CCDC14: variants seen among roughly 807,000 people sequenced by gnomAD.
The protein encoded by CCDC14 is coiled-coil domain-containing protein 14.
CCDC14 carries 71 observed loss-of-function variants against 81.4 expected under a neutral mutation model. That is an observed-to-expected ratio of 0.87 (90% CI 0.72 to 1.06). The LOEUF is 1.06. CCDC14 is among the 50% of genes least tolerant of loss of function. The probability of loss-of-function intolerance (pLI) is 0.00; values close to 1 mark genes in which losing one functional copy is unlikely to be tolerated. For synonymous variants in CCDC14, 332 were observed against 364.8 expected, an observed-to-expected ratio of 0.91 and a Z score of 1.03; for missense variants, 1,046 against 1,047.3, an observed-to-expected ratio of 1.00 and a Z score of 0.02.
rs2035787985 is a variant in CCDC14, at chr3:123,932,401, C to G, written c.1427-875G>C. On this transcript the variant is annotated intron_variant, in intron 10 of 12. Coordinates refer to ENST00000409697, the MANE Select transcript of CCDC14 (RefSeq NM_001366335.1). ...TGAATCACTCTGGTGAAACTGAACA[C>G]TTTTATAAAGTGCTCATTCTGTTGG... Among the ~76,000 whole-genome samples the G allele has an allele frequency of 2.6e-5, 4 of 152,116 alleles. No homozygotes were observed. In the South Asian group the frequency reaches 8.3e-4, roughly 32 times the overall value.
At chr3:123,942,186 T>C (rs1029171720) in intron 9 of CCDC14, among the ~76,000 whole-genome samples, 15 of 152,012 alleles carry the variant, frequency 9.9e-5, no homozygotes, top group Non-Finnish European at 1.5e-4. Flanking sequence ...TATATAACCT[T>C]GGGCAAGTTA....
Position 123,915,649 on chromosome 3 carries a change from C to A in CCDC14, c.1848G>T (p.Gly616=). The change falls in exon 13 of 13, where the codon GGG becomes GGT. Residue 616 remains glycine (G), a synonymous_variant. Coordinates refer to ENST00000409697, the MANE Select transcript of CCDC14 (RefSeq NM_001366335.1). ...TCAAGAGTGATTTGGTAAGGTTATT[C>A]CCAGGCTTGCAGCGAGCACTGTCCA... ...LSVDSARCKP[G]NNLTKSLLNI... 1.2e-6 allele frequency: 2 copies of A among 1,613,952 alleles called. No homozygotes were observed. The highest frequency in any genetic ancestry group is 1.3e-5 in the African/African-American group (1 of 75,044).
chr3:123,914,395 T>C lies in CCDC14; in HGVS notation c.*384A>G, dbSNP rs2034542514. 2.0e-6 allele frequency: 2 copies of C among 985,854 alleles called. No homozygotes were observed. The highest frequency in any genetic ancestry group is 6.1e-5 in the Admixed American group (1 of 16,308). The allele number at this position is 985,854 out of a possible 1,614,324, so 61.1% of individuals were successfully genotyped here. ...ATGTAAACAGAAAAAAAAAACCCTC[T>C]AGTTTCAACAGAAAAACTTACATCC... On this transcript the variant is annotated 3_prime_UTR_variant, in exon 13 of 13. Coordinates refer to ENST00000409697, the MANE Select transcript of CCDC14 (RefSeq NM_001366335.1).
At chr3:123,935,565 C>T (rs1263712440) in intron 9 of CCDC14, among the ~76,000 whole-genome samples, 2 of 152,098 alleles carry the variant, frequency 1.3e-5, no homozygotes, top group African/African-American at 4.8e-5. Context: ...AATACTAATA[C>T]ACAGATAATA....
At chr3:123,945,246 AT>A (rs1011846838) in intron 8 of CCDC14, among the ~76,000 whole-genome samples, 253 of 148,040 alleles carry the variant, frequency 1.7e-3, no homozygotes, top group Middle Eastern at 6.9e-3. Context: ...TACATAAGTG[AT>A]TTTTTTTTTT....
At chr3:123,928,839 C>T (rs2035537786) in intron 12 of CCDC14, among the ~76,000 whole-genome samples, 1 of 152,138 alleles carries the variant, frequency 6.6e-6, no homozygotes, top group Admixed American at 6.5e-5. Flanking sequence ...GAGTTCTAGT[C>T]CCAGCTCTGT....
intron 7 of CCDC14, 70 bp from the exon 8 acceptor site, chr3:123,947,389 C>A: frequency 9.8e-7 from 1 of 1,022,058 alleles, no homozygotes; most frequent in Non-Finnish European, 1.4e-6. Context: ...ACAACAAACT[C>A]AAATATATGA....
At chr3:123,909,634 TA>T (rs929554876), downstream of CCDC14, among the ~76,000 whole-genome samples, 2 of 152,206 alleles carry the variant, frequency 1.3e-5, no homozygotes, top group Admixed American at 6.5e-5. Flanking sequence ...TACATACACA[TA>T]GACCAACTAC....
At chr3:123,956,144 A>G (rs2037316434) in intron 3 of CCDC14, 29 bp from the exon 4 acceptor site, 1 of 1,505,536 alleles carries the variant, frequency 6.6e-7, no homozygotes, top group Non-Finnish European at 8.9e-7. Context: ...TTTAGAATAC[A>G]TTTGTATATG....
At chr3:123,906,236 A>G (rs2034305531) in intron 5 of CCDC14, among the ~76,000 whole-genome samples, 1 of 152,168 alleles carries the variant, frequency 6.6e-6, no homozygotes. Flanking sequence ...AGGCTGAGGC[A>G]GGAGAATGGC....
rs535332643 is a variant in CCDC14 at position 123,935,506 on chromosome 3, T to C, written c.1344-1751A>G. On this transcript the variant is annotated intron_variant, in intron 9 of 12. Coordinates refer to ENST00000409697, the MANE Select transcript of CCDC14 (RefSeq NM_001366335.1). ...ACAGCAATTATTTAATAGTGCCAAG[T>C]TGGAAACAACTTAAAATGCTACATA... Among the ~76,000 whole-genome samples, 13 of 152,274 alleles carry C rather than the reference T, an allele frequency of 8.5e-5. No homozygotes were observed. In the South Asian group the frequency reaches 1.2e-3, roughly 15 times the overall value.
Position 123,915,401 on chromosome 3 carries a change from G to C in CCDC14, c.2096C>G (p.Pro699Arg), listed in dbSNP as rs1304759856. The C allele has an allele frequency of 3.7e-6, 6 of 1,613,566 alleles. No homozygotes were observed. Among genetic ancestry groups the C allele is most frequent in the Non-Finnish European group, 4.2e-6 (5 of 1,179,786 alleles). Residue 699 changes from proline (P) to arginine (R), a missense_variant, in exon 13 of 13, where the codon CCT (proline) becomes CGT (arginine). Pro to Arg is a moderately radical substitution (Grantham distance 103). Coordinates refer to ENST00000409697, the MANE Select transcript of CCDC14 (RefSeq NM_001366335.1). ...TTTTGAAAGGGCAGAAATAATTCCA[G>C]GTGCAGATGCTTCCTCCATGCCCCT... Reference protein sequence around the residue: ...NTRGMEEASAPGIISALSKQD... With the variant: ...NTRGMEEASARGIISALSKQD...
chr3:123,888,272 T>C, the CCDC14 span, among the ~76,000 whole-genome samples: 1 of 152,228 alleles, frequency 6.6e-6, no homozygotes, highest in Non-Finnish European at 1.5e-5. Context: ...GTAGTAGCTA[T>C]ATGAGAGTTG....
chr3:123,957,761 T>G (rs2037411610), intron 1 of CCDC14: 1 of 152,078 alleles, frequency 6.6e-6, no homozygotes, highest in Non-Finnish European at 1.5e-5. Context: ...TGGTATACTA[T>G]TTTATATCTT....
At chr3:123,887,002 A>T in the CCDC14 span, among the ~76,000 whole-genome samples, 1 of 152,134 alleles carries the variant, frequency 6.6e-6, no homozygotes, top group Non-Finnish European at 1.5e-5. Flanking sequence ...GAATATCCCA[A>T]TTTACTAATT....
At position 123,949,461 on chromosome 3, in the gene CCDC14, T is replaced by C. The variant is rs2036879031; in HGVS notation, c.353-329A>G. On this transcript the variant is annotated intron_variant, in intron 5 of 12. Transcript: ENST00000409697. ...ATCCCTAAAGTCCAGTCAAACTCCT[T>C]CACCTTGTTCCTTGTCAGTTCATGT... 3 of 249,548 alleles carry C rather than the reference T, an allele frequency of 1.2e-5. No individual in the cohort carries two copies. In the South Asian group the frequency reaches 2.2e-4, roughly 18 times the overall value. The allele number at this position is 249,548 out of a possible 1,614,324, so 15.5% of individuals were successfully genotyped here. A position where few individuals can be genotyped will look rare whatever the true frequency, so the allele number is the denominator to read the frequency against.
At chr3:123,958,020 C>T (rs1333788092) in intron 1 of CCDC14, 1 of 152,090 alleles carries the variant, frequency 6.6e-6, no homozygotes, top group African/African-American at 2.4e-5. Flanking sequence ...AAGAATGTCA[C>T]TGAGAATACA....
At chr3:123,949,541 G>C (rs2036885046) in intron 5 of CCDC14, 1 of 156,950 alleles carries the variant, frequency 6.4e-6, no homozygotes, top group Non-Finnish European at 1.4e-5. Context: ...CTGATGCTTT[G>C]GGTCCTCAAA....
chr3:123,955,391 A>C (rs558580168), intron 5 of CCDC14: 1 of 152,098 alleles, frequency 6.6e-6, no homozygotes, highest in East Asian at 1.9e-4. Flanking sequence ...TATTCATCCG[A>C]TTTTACCTTC....
Sources: allele counts gnomAD v4.1 joint callset (sites outside exome capture counted in the v4.1 genomes callset), GRCh38; gene constraint gnomAD v4.1.1; transcripts MANE v1.5; gene names NCBI Gene and HGNC (gene_info 2026-07-23, HGNC 2026-07-21).